ABTB2: variants seen among roughly 807,000 people sequenced by gnomAD.
The protein encoded by ABTB2 is ankyrin repeat and BTB/POZ domain-containing protein 2.
A neutral mutation model predicts 104.1 loss-of-function variants in ABTB2; 56 were observed. The observed-to-expected ratio is 0.54, with a 90% confidence interval of 0.43 to 0.67. ABTB2 has a LOEUF of 0.67. ABTB2 is among the 30% of genes least tolerant of loss of function. The pLI is 0.00. For missense variants in ABTB2, 1,279 were observed against 1,407.7 expected, an observed-to-expected ratio of 0.91 and a Z score of 1.46; for synonymous variants, 606 against 608.2, an observed-to-expected ratio of 1.00 and a Z score of 0.05.
At chr11:34,159,125 G>T (rs1016592555) in intron 14 of ABTB2, among the ~76,000 whole-genome samples, 171 bp downstream of exon 14, 1 of 152,158 alleles carries the variant, frequency 6.6e-6, no homozygotes, top group East Asian at 1.9e-4. Context: ...GCCCCACAAC[G>T]GATGGCTACC....
At chr11:34,225,696 G>A (rs1853676901) in intron 1 of ABTB2, among the ~76,000 whole-genome samples, 1 of 151,832 alleles carries the variant, frequency 6.6e-6, no homozygotes, top group East Asian at 1.9e-4. Flanking sequence ...CAGAGGTTGC[G>A]GTGAACCGAG....
In ABTB2 at chr11:34,165,022, TG is replaced by T. The variant is rs1852779062; in HGVS notation, c.1853-202del. Reference sequence around the variant, plus strand: ...GTGCCCTGCCCCTGCTCCCCCTCCCTGGGTCTCCAGAGGGAAGGGCCTCCCT... The same window carrying T: ...GTGCCCTGCCCCTGCTCCCCCTCCCTGGTCTCCAGAGGGAAGGGCCTCCCT... On this transcript the variant is annotated intron_variant, in intron 8 of 16. Coordinates refer to ENST00000435224, the MANE Select transcript of ABTB2 (RefSeq NM_145804.3). 3.3e-5 allele frequency among the ~76,000 whole-genome samples: 5 copies of T among 152,316 alleles called. No individual in the cohort carries two copies. In the South Asian group the frequency reaches 1.0e-3, roughly 32 times the overall value.
intron 1 of ABTB2, among the ~76,000 whole-genome samples, chr11:34,246,400 G>C (rs530236708): frequency 1.3e-5 from 2 of 151,902 alleles, no homozygotes; most frequent in Non-Finnish European, 2.9e-5. Flanking sequence ...TTGGGAGTTC[G>C]AGACCAGCCT....
intron 1 of ABTB2, among the ~76,000 whole-genome samples, chr11:34,221,359 T>G (rs1016915778): frequency 2.0e-5 from 3 of 152,212 alleles, no homozygotes; most frequent in African/African-American, 7.2e-5. Context: ...TTTAAAGACT[T>G]CATCCCCAAA....
At position 34,207,638 on chromosome 11, in the gene ABTB2, T is replaced by C. The variant is rs536909319; in HGVS notation, c.884-2948A>G. Among the ~76,000 whole-genome samples, 4 of 152,296 alleles carry C rather than the reference T, an allele frequency of 2.6e-5. No individual in the cohort carries two copies. In the East Asian group the frequency reaches 5.8e-4, roughly 22 times the overall value. ...CATGCGTTATCTAACACCCCAGAAC[T>C]GCAGGAGGTACTATTCCCACCCATC... On this transcript the variant is annotated intron_variant, in intron 1 of 16. Transcript: ENST00000435224.
intron 1 of ABTB2, among the ~76,000 whole-genome samples, chr11:34,332,629 C>G (rs1164723332): frequency 6.6e-6 from 1 of 152,132 alleles, no homozygotes; most frequent in African/African-American, 2.4e-5. Flanking sequence ...CCTCAGCAAA[C>G]CCAGCATCCA....
intron 1 of ABTB2, among the ~76,000 whole-genome samples, chr11:34,230,682 G>A (rs531458981): frequency 1.3e-5 from 2 of 152,104 alleles, no homozygotes; most frequent in African/African-American, 2.4e-5. Flanking sequence ...CTTCCATGGT[G>A]TCTGCCTGAA....
rs140629928 is a variant in ABTB2, at chr11:34,222,967, G to A, written c.884-18277C>T. Reference sequence around the variant, plus strand: ...TTCTTCTTGCTGCCCTGGGCACAGAGGAGTCTTGGCCTGTCTGCACAGCCC... The same window carrying A: ...TTCTTCTTGCTGCCCTGGGCACAGAAGAGTCTTGGCCTGTCTGCACAGCCC... On this transcript the variant is annotated intron_variant, in intron 1 of 16. Coordinates refer to ENST00000435224, the MANE Select transcript of ABTB2 (RefSeq NM_145804.3). Among the ~76,000 whole-genome samples, 3 of 152,316 alleles carry A rather than the reference G, an allele frequency of 2.0e-5. No individual in the cohort carries two copies. The East Asian group carries it at 5.8e-4, about 29-fold the overall frequency.
chr11:34,286,048 G>A (rs901103742), intron 1 of ABTB2, among the ~76,000 whole-genome samples: 7 of 151,632 alleles, frequency 4.6e-5, no homozygotes, highest in South Asian at 2.1e-4. Context: ...CATTATAATC[G>A]CCTGTAGTCT....
intron 1 of ABTB2, among the ~76,000 whole-genome samples, chr11:34,313,649 T>C (rs924609206): frequency 6.6e-6 from 1 of 152,178 alleles, no homozygotes; most frequent in Non-Finnish European, 1.5e-5. Flanking sequence ...GACGGTGATA[T>C]CAGCCATGCC....
At chr11:34,329,466 G>A (rs1014857221) in intron 1 of ABTB2, among the ~76,000 whole-genome samples, 4 of 152,190 alleles carry the variant, frequency 2.6e-5, no homozygotes, top group Admixed American at 1.3e-4. Flanking sequence ...CTCAGGCCAT[G>A]AGGGCTCCCA....
At chr11:34,268,000 G>A (rs181554836) in intron 1 of ABTB2, among the ~76,000 whole-genome samples, 366 of 152,110 alleles carry the variant, frequency 2.4e-3, no homozygotes, top group African/African-American at 8.5e-3. Flanking sequence ...GCTTGATCTC[G>A]GCTCACTACA....
At chr11:34,167,446 G>A in intron 6 of ABTB2, 86 bp from the exon 7 acceptor site, 1 of 1,074,044 alleles carries the variant, frequency 9.3e-7, no homozygotes, top group African/African-American at 1.6e-5. Flanking sequence ...GAGTTAACAA[G>A]TGCTTTCTAC....
intron 1 of ABTB2, among the ~76,000 whole-genome samples, chr11:34,240,114 A>G (rs1853894483): frequency 6.6e-6 from 1 of 152,238 alleles, no homozygotes; most frequent in Non-Finnish European, 1.5e-5. Context: ...TACTCATTAT[A>G]GCCCATTTTT....
intron 1 of ABTB2, among the ~76,000 whole-genome samples, chr11:34,331,875 A>T (rs1194258283): frequency 6.6e-6 from 1 of 152,220 alleles, no homozygotes; most frequent in Non-Finnish European, 1.5e-5. Context: ...GCCAAACCTC[A>T]TTTATGGAGT....
At chr11:34,179,567 C>T (rs1853000386) in intron 3 of ABTB2, among the ~76,000 whole-genome samples, 1 of 152,238 alleles carries the variant, frequency 6.6e-6, no homozygotes, top group Admixed American at 6.5e-5. Flanking sequence ...AGGTCCTAGA[C>T]CCCTTCCCTG....
At chr11:34,270,376 GT>G (rs1854299983) in intron 1 of ABTB2, among the ~76,000 whole-genome samples, 1 of 138,002 alleles carries the variant, frequency 7.2e-6, no homozygotes, top group East Asian at 2.1e-4. Context: ...GTCTCATTCT[GT>G]TGCCCAGGCT....
Position 34,336,299 on chromosome 11 carries a change from G to A in ABTB2, c.883+20402C>T, listed in dbSNP as rs78902453. Among the ~76,000 whole-genome samples, 46 of 152,160 alleles carry A rather than the reference G, an allele frequency of 3.0e-4. No homozygotes were observed. The East Asian group carries it at 8.9e-3, about 29-fold the overall frequency. ...TCACATTTACAACACCATAAGGCAG[G>A]TACTACTATCATTCCAAGTTTATAG... On this transcript the variant is annotated intron_variant, in intron 1 of 16. Transcript: ENST00000435224.
intron 1 of ABTB2, among the ~76,000 whole-genome samples, chr11:34,318,252 G>C (rs778797039): frequency 5.3e-5 from 8 of 152,180 alleles, no homozygotes; most frequent in Non-Finnish European, 1.2e-4. Flanking sequence ...TTATAGGCAT[G>C]AGTCACTGTG....
Sources: gnomAD v4.1 joint callset for allele counts (sites outside exome capture counted in the v4.1 genomes callset) on GRCh38, gnomAD v4.1.1 for gene constraint, MANE v1.5 for transcripts, NCBI Gene and HGNC (gene_info 2026-07-23, HGNC 2026-07-21) for gene names.